The following MYH13 variants were observed in gnomAD, a reference collection of about 807,000 sequenced individuals.
The protein encoded by MYH13 is myosin-13.
MYH13 carries 177 observed loss-of-function variants against 232.1 expected under a neutral mutation model. The ratio of observed to expected loss-of-function variants is 0.76; its 90% CI spans 0.67 to 0.86. The LOEUF is 0.86. Ranked by LOEUF, MYH13 falls within the 40% of genes least tolerant of loss-of-function variation. The pLI, the probability that MYH13 is intolerant of heterozygous loss-of-function variation, is 0.00. For missense variants in MYH13, 2,246 were observed against 2,405.9 expected, an observed-to-expected ratio of 0.93 and a Z score of 1.39; for synonymous variants, 884 against 923.5, an observed-to-expected ratio of 0.96 and a Z score of 0.78.
intron 15 of MYH13, 52 bp from the exon 16 acceptor site, chr17:10,344,161 T>C (rs2071641968): frequency 2.5e-6 from 4 of 1,578,486 alleles, no homozygotes; most frequent in Non-Finnish European, 2.6e-6. Context: ...CCATGCTTCA[T>C]GGTCTGGAGA....
At position 10,354,768 on chromosome 17, in the gene MYH13, G is replaced by A; in HGVS notation, c.917C>T (p.Ser306Phe). The change falls in exon 11 of 41, where the codon TCC (serine) becomes TTC (phenylalanine). Residue 306 changes from serine to phenylalanine, a missense_variant. Ser to Phe is a radical substitution (Grantham distance 155). Coordinates refer to ENST00000252172, the MANE Select transcript of MYH13 (RefSeq NM_003802.3). ...GAAGGGGAAGTCGAAGGGGTTGGTGGAGATCAGAAGCAGGTCTGTGAAACA... is the reference window on the plus strand; with the variant it reads ...GAAGGGGAAGTCGAAGGGGTTGGTGAAGATCAGAAGCAGGTCTGTGAAACA... ...KPELIDLLLI[S>F]TNPFDFPFVS... The A allele has an allele frequency of 6.2e-7, 1 of 1,613,936 alleles. No individual in the cohort carries two copies. The highest frequency in any genetic ancestry group is 8.5e-7 in the Non-Finnish European group (1 of 1,179,846).
Position 10,315,797 on chromosome 17 carries a change from G to A in MYH13, c.3880C>T (p.Arg1294Ter). 1.9e-6 allele frequency: 3 copies of A among 1,613,880 alleles called. No homozygotes were observed. The highest frequency in any genetic ancestry group is 1.6e-4 in the Middle Eastern group (1 of 6,062). The change falls in exon 29 of 41, where the codon CGA (arginine) becomes TGA (stop). Residue 1294 changes from arginine (R) to a stop codon, truncating the protein, a stop_gained. Coordinates refer to ENST00000252172, the MANE Select transcript of MYH13 (RefSeq NM_003802.3). LOFTEE classifies it high-confidence loss of function. ...ATCAGAGACTCCTTCTCTTCCACTC[G>A]GTGGCTCAGCTCCCCTACCAAACAG... ...LQTQNGELSHRVEEKESLISQ... is the reference protein window; with the variant it reads ...LQTQNGELSH
rs531627533 is a variant in MYH13, at chr17:10,320,453, A to T, written c.3155T>A (p.Leu1052Ter). Residue 1052 changes from leucine (L) to a stop codon, truncating the protein, a stop_gained, in exon 25 of 41, where the codon TTG (leucine) becomes TAG (stop). Transcript: ENST00000252172. LOFTEE classifies it high-confidence loss of function. The stretch of plus-strand genomic sequence containing the variant: ...TTCCAGCTTCCTCTTCGCCCTTTCC[A>T]AGTCCGCCCGCAGTTTCTTCTCCTG... ...LEQEKKLRAD[L>*]ERAKRKLEGD... 6.2e-7 allele frequency: 1 copy of T among 1,613,534 alleles called. No individual in the cohort carries two copies. The highest frequency in any genetic ancestry group is 1.1e-5 in the South Asian group (1 of 90,850).
rs554738317 is a variant in MYH13, at chr17:10,304,078, G to A, written c.5467-580C>T. Among the ~76,000 whole-genome samples, 6 of 152,242 alleles carry A rather than the reference G, an allele frequency of 3.9e-5. No homozygotes were observed. Among genetic ancestry groups the A allele is most frequent in the Admixed American group, 6.5e-5 (1 of 15,286 alleles). ...TGGGAGTTGAACAATGAGAACACAT[G>A]GTCACAGTAAAGGGAAGATCATACA... On this transcript the variant is annotated intron_variant, in intron 37 of 40. Coordinates refer to ENST00000252172, the MANE Select transcript of MYH13 (RefSeq NM_003802.3). This position sits in a 1 kb window ranked among gnomAD's most constrained non-coding sequence, Gnocchi z 5.3.
chr17:10,317,524 G>T (rs1181063421), intron 27 of MYH13: 1 of 152,410 alleles, frequency 6.6e-6, no homozygotes, highest in Non-Finnish European at 1.5e-5. Context: ...GGAAACCCTC[G>T]GTGAGAGGCC....
chr17:10,312,148 G>A (rs1906528941), intron 31 of MYH13, 72 bp from the exon 32 acceptor site: 2 of 1,545,834 alleles, frequency 1.3e-6, no homozygotes, highest in African/African-American at 1.4e-5. Flanking sequence ...GCAAACAAGG[G>A]CTGTCAGTAA....
intron 13 of MYH13, among the ~76,000 whole-genome samples, 178 bp from the exon 14 acceptor site, chr17:10,345,794 A>G (rs1286339637): frequency 6.6e-6 from 1 of 152,090 alleles, no homozygotes; most frequent in African/African-American, 2.4e-5. Flanking sequence ...GGAGTTCAAG[A>G]CCATCCTGGC....
Position 10,324,086 on chromosome 17 carries a change from T to C in MYH13, c.2870A>G (p.Asp957Gly), listed in dbSNP as rs372844195. The C allele has an allele frequency of 7.4e-6, 12 of 1,614,054 alleles. No individual in the cohort carries two copies. Among genetic ancestry groups the C allele is most frequent in the Non-Finnish European group, 1.0e-5 (12 of 1,179,958 alleles). Residue 957 changes from aspartate (D) to glycine (G), a missense_variant, in exon 23 of 41, where the codon GAC (aspartate) becomes GGC (glycine). Asp to Gly is a moderately conservative substitution (Grantham distance 94). Transcript: ENST00000252172. ...CAAGGTCAGCTCCAGGTCATCAATG[T>C]CTCTCTTGAGAGAGGAGCATTTATC... ...LEDKCSSLKR[D>G]IDDLELTLTK...
chr17:10,362,611 T>C, intron 3 of MYH13, 108 bp from the exon 4 acceptor site: 1 of 1,389,948 alleles, frequency 7.2e-7, no homozygotes, highest in Non-Finnish European at 1.0e-6. Flanking sequence ...ATTACCGCAT[T>C]GTGATGGATA....
chr17:10,360,062 G>C lies in MYH13; in HGVS notation c.543C>G (p.Ser181=). ...DNQSILITGE[S]GAGKTVNTKR... is the part of the protein sequence containing the mutation. Reference sequence around the variant, plus strand: ...TGGTGTTCACAGTCTTCCCAGCCCCGGATTCTCCGCTGCCAATTTAAAAGT... The same window carrying C: ...TGGTGTTCACAGTCTTCCCAGCCCCCGATTCTCCGCTGCCAATTTAAAAGT... Residue 181 remains serine, a synonymous_variant, in exon 7 of 41, where the codon TCC becomes TCG. Coordinates refer to ENST00000252172, the MANE Select transcript of MYH13 (RefSeq NM_003802.3). 2 of 1,614,084 alleles carry C rather than the reference G, an allele frequency of 1.2e-6. No individual in the cohort carries two copies. The highest frequency in any genetic ancestry group is 1.7e-6 in the Non-Finnish European group (2 of 1,180,030).
chr17:10,347,414 G>A (rs994797898), intron 12 of MYH13, among the ~76,000 whole-genome samples: 1 of 152,058 alleles, frequency 6.6e-6, no homozygotes, highest in African/African-American at 2.4e-5. Context: ...CTGACAATAC[G>A]TTAAAATGTT....
intron 3 of MYH13, among the ~76,000 whole-genome samples, chr17:10,363,857 A>G (rs1487050817): frequency 6.6e-6 from 1 of 152,254 alleles, no homozygotes; most frequent in South Asian, 2.1e-4. Context: ...TTGGGAAAGC[A>G]GGTGCAGAGG....
Position 10,318,738 on chromosome 17 carries a change from G to T in MYH13, c.3738+52C>A, listed in dbSNP as rs1242701337. On this transcript the variant is annotated intron_variant, in intron 27 of 40. Transcript: ENST00000252172. ...TCAAATTACACGTGCCCAGGGGCAG[G>T]TGGCCGTCGGCTGCCTTGCATTCTC... The T allele has an allele frequency of 1.0e-5, 16 of 1,604,766 alleles. No individual in the cohort carries two copies. In the South Asian group the frequency reaches 1.7e-4, roughly 17 times the overall value.
chr17:10,360,513 T>G (rs1399343008), intron 5 of MYH13, among the ~76,000 whole-genome samples: 1 of 152,306 alleles, frequency 6.6e-6, no homozygotes, highest in Non-Finnish European at 1.5e-5. Context: ...AGAAAGCAAG[T>G]GTCAGGTTCA....
intron 16 of MYH13, among the ~76,000 whole-genome samples, chr17:10,340,738 C>T (rs534568041): frequency 2.6e-5 from 4 of 151,750 alleles, no homozygotes; most frequent in East Asian, 1.9e-4. Flanking sequence ...AGGCTAGTCT[C>T]GAACTCCTGA....
chr17:10,301,618 T>A lies in MYH13; in HGVS notation c.5753A>T (p.Glu1918Val), dbSNP rs554170134. The A allele has an allele frequency of 3.2e-5, 52 of 1,614,226 alleles. No homozygotes were observed. In the East Asian group the frequency reaches 1.1e-3, roughly 34 times the overall value. Reference sequence around the variant, plus strand: ...GGCCCTCAGCTTGTTGACCTGGGACTCAGCGATGTCCGCCCTCTCCGCGGC... The same window carrying A: ...GGCCCTCAGCTTGTTGACCTGGGACACAGCGATGTCCGCCCTCTCCGCGGC... Reference protein sequence around the residue: ...EEAAERADIAESQVNKLRAKS... With the variant: ...EEAAERADIAVSQVNKLRAKS... The change falls in exon 40 of 41, where the codon GAG (glutamate) becomes GTG (valine). Residue 1918 changes from glutamate to valine, a missense_variant. By Grantham distance (121) the Glu-to-Val change is moderately radical. Transcript: ENST00000252172.
chr17:10,345,406 G>A (rs2071655890), intron 14 of MYH13, 34 bp from the exon 15 acceptor site: 2 of 1,614,226 alleles, frequency 1.2e-6, no homozygotes, highest in South Asian at 1.1e-5. Flanking sequence ...ATTTGAGTGA[G>A]CTTGGAAAAT....
intron 22 of MYH13, chr17:10,324,754 A>ATTTTTTTTTTT (rs1907137100): frequency 1.2e-4 from 6 of 48,972 alleles, no homozygotes; most frequent in African/African-American, 4.9e-4. Context: ...GTCCATATAC[A>ATTTTTTTTTTT]TGTTTTTTTT....
intron 26 of MYH13, among the ~76,000 whole-genome samples, chr17:10,319,905 A>G (rs1906870070): frequency 1.3e-5 from 2 of 152,322 alleles, no homozygotes; most frequent in South Asian, 4.1e-4. Flanking sequence ...AGGGATGGCG[A>G]TCAAAGCACC....
Sources: gnomAD v4.1 joint callset for allele counts (sites outside exome capture counted in the v4.1 genomes callset) on GRCh38, gnomAD v4.1.1 for gene constraint, Gnocchi (gnomAD v3.1) non-coding constraint, MANE v1.5 for transcripts, NCBI Gene and HGNC (gene_info 2026-07-23, HGNC 2026-07-21) for gene names.